CCDC85A: variants seen among roughly 807,000 people sequenced by gnomAD.
CCDC85A encodes the protein coiled-coil domain-containing protein 85A.
In CCDC85A, 38 loss-of-function variants were observed where a neutral mutation model predicts 50.2. That is an observed-to-expected ratio of 0.76 (90% CI 0.58 to 0.99). CCDC85A has a LOEUF of 0.99. Among genes scored for constraint, CCDC85A ranks in the 50% least tolerant of loss-of-function variants. The pLI is 0.00. For synonymous variants in CCDC85A, 366 were observed against 301.4 expected (o/e 1.21, Z -2.22); for missense variants, 820 against 742.0 (o/e 1.11, Z -1.22).
At chr2:56,262,424 A>G (rs547929876) in intron 2 of CCDC85A, among the ~76,000 whole-genome samples, 1 of 152,276 alleles carries the variant, frequency 6.6e-6, no homozygotes, top group South Asian at 2.1e-4. Context: ...TCTAATACAA[A>G]TGGACTTCTG....
rs75068546 is a variant in CCDC85A at position 56,364,619 on chromosome 2, T to C, written c.1318-7725T>C. ...TTCTTTGATCTTGATTTTAAAAATC[T>C]GATGAAAGAGTTAGATCTATTACTT... On this transcript the variant is annotated intron_variant, in intron 3 of 5. Coordinates refer to ENST00000407595, the MANE Select transcript of CCDC85A (RefSeq NM_001080433.2). Among the ~76,000 whole-genome samples the C allele has an allele frequency of 1.4e-4, 21 of 152,334 alleles. No homozygotes were observed. In the East Asian group the frequency reaches 4.1e-3, roughly 29 times the overall value.
chr2:56,240,222 G>A (rs377524364), intron 2 of CCDC85A, among the ~76,000 whole-genome samples: 4 of 152,014 alleles, frequency 2.6e-5, no homozygotes, highest in African/African-American at 7.2e-5. Flanking sequence ...TGAAGTCTTC[G>A]TTTGCATAGG....
intron 2 of CCDC85A, among the ~76,000 whole-genome samples, chr2:56,237,445 T>C (rs1288016738): frequency 1.3e-5 from 2 of 152,164 alleles, no homozygotes; most frequent in South Asian, 4.1e-4. Context: ...TATACATGAA[T>C]ACAGAAGAAA....
chr2:56,226,707 C>G (rs909619213), intron 2 of CCDC85A, among the ~76,000 whole-genome samples: 1 of 152,022 alleles, frequency 6.6e-6, no homozygotes, highest in African/African-American at 2.4e-5. Flanking sequence ...GTAGTAATGG[C>G]AACCATTCCC....
intron 2 of CCDC85A, among the ~76,000 whole-genome samples, chr2:56,277,723 G>T (rs1227033449): frequency 6.6e-6 from 1 of 152,208 alleles, no homozygotes; most frequent in African/African-American, 2.4e-5. Flanking sequence ...ATGCTAACAT[G>T]AGTAAGACGA....
intron 2 of CCDC85A, among the ~76,000 whole-genome samples, chr2:56,275,534 C>T (rs1399827345): frequency 1.3e-5 from 2 of 152,108 alleles, no homozygotes; most frequent in African/African-American, 4.8e-5. Context: ...AATAAATTTT[C>T]ACTTTTTCGC....
intron 2 of CCDC85A, 48 bp from the exon 3 acceptor site, chr2:56,342,831 C>A: frequency 7.9e-7 from 1 of 1,264,830 alleles, no homozygotes; most frequent in Non-Finnish European, 1.1e-6. Context: ...GACAGTACAC[C>A]AAACAAGACC....
intron 3 of CCDC85A, among the ~76,000 whole-genome samples, chr2:56,348,837 G>A (rs530649748): frequency 5.9e-5 from 9 of 152,276 alleles, no homozygotes; most frequent in Non-Finnish European, 1.2e-4. Context: ...CGATAGATAT[G>A]TATCGTTTTG....
intron 2 of CCDC85A, among the ~76,000 whole-genome samples, chr2:56,227,297 A>T (rs1314975781): frequency 6.6e-6 from 1 of 152,214 alleles, no homozygotes; most frequent in Non-Finnish European, 1.5e-5. Context: ...ATGTTAATCA[A>T]GGTCTCAGAT....
At chr2:56,206,719 T>C (rs1434396977) in intron 2 of CCDC85A, among the ~76,000 whole-genome samples, 1 of 152,220 alleles carries the variant, frequency 6.6e-6, no homozygotes, top group African/African-American at 2.4e-5. Flanking sequence ...TTCTAATATG[T>C]AAACTTTGGG....
intron 2 of CCDC85A, among the ~76,000 whole-genome samples, chr2:56,312,781 T>C (rs1366329683): frequency 6.6e-6 from 1 of 152,196 alleles, no homozygotes; most frequent in Non-Finnish European, 1.5e-5. Context: ...ATTCGTTTAT[T>C]TGGTAGTTAT....
At chr2:56,302,288 AT>A (rs1367222409) in intron 2 of CCDC85A, among the ~76,000 whole-genome samples, 1 of 152,174 alleles carries the variant, frequency 6.6e-6, no homozygotes, top group Non-Finnish European at 1.5e-5. Flanking sequence ...AATAAAAAAA[AT>A]AAGATCATAA....
intron 2 of CCDC85A, among the ~76,000 whole-genome samples, chr2:56,211,897 C>A (rs1677195664): frequency 6.6e-6 from 1 of 151,996 alleles, no homozygotes; most frequent in African/African-American, 2.4e-5. Context: ...TGTTTTAGAG[C>A]AACCTTCCTA....
rs541235089 is a variant in CCDC85A at position 56,264,859 on chromosome 2, C to T, written c.1240+71419C>T. 3.3e-5 allele frequency among the ~76,000 whole-genome samples: 5 copies of T among 152,302 alleles called. No homozygotes were observed. The South Asian group carries it at 8.3e-4, about 25-fold the overall frequency. ...TTTGCATTTCTCTTCTTTAGTCACACGAAGTAGGCCCTTGCATGTGCTTTT... is the reference window on the plus strand; with the variant it reads ...TTTGCATTTCTCTTCTTTAGTCACATGAAGTAGGCCCTTGCATGTGCTTTT... On this transcript the variant is annotated intron_variant, in intron 2 of 5. Transcript: ENST00000407595.
chr2:56,249,808 C>T (rs1477697959), intron 2 of CCDC85A, among the ~76,000 whole-genome samples: 2 of 152,188 alleles, frequency 1.3e-5, no homozygotes, highest in African/African-American at 2.4e-5. Flanking sequence ...GTGTCTACAC[C>T]TGGGCCCTGG....
At chr2:56,221,810 T>C (rs1668339275) in intron 2 of CCDC85A, among the ~76,000 whole-genome samples, 1 of 152,128 alleles carries the variant, frequency 6.6e-6, no homozygotes, top group Admixed American at 6.6e-5. Context: ...TCTTACTACA[T>C]GTGTTATCTT....
At chr2:56,327,831 CAAAAA>C (rs70955016) in intron 2 of CCDC85A, among the ~76,000 whole-genome samples, 5 of 93,258 alleles carry the variant, frequency 5.4e-5, no homozygotes, top group Non-Finnish European at 1.1e-4. Flanking sequence ...TAGAGTAAGG[CAAAAA>C]AAAAAAAAAA....
In CCDC85A at chr2:56,242,548, T is replaced by C. The variant is rs540729703; in HGVS notation, c.1240+49108T>C. Among the ~76,000 whole-genome samples the C allele has an allele frequency of 2.3e-4, 35 of 152,290 alleles. 1 individual carries two copies. In the South Asian group the frequency reaches 6.8e-3, roughly 30 times the overall value. ...GAGATTTCACTTTTCACTAAGGGAATGGCCTAAGCAATTCATGAGGGATCT... is the reference window on the plus strand; with the variant it reads ...GAGATTTCACTTTTCACTAAGGGAACGGCCTAAGCAATTCATGAGGGATCT... On this transcript the variant is annotated intron_variant, in intron 2 of 5. Transcript: ENST00000407595.
chr2:56,278,230 T>C (rs1278845553), intron 2 of CCDC85A, among the ~76,000 whole-genome samples: 1 of 152,184 alleles, frequency 6.6e-6, no homozygotes, highest in African/African-American at 2.4e-5. Flanking sequence ...CCCTTTTTAA[T>C]GAATAAAATC....
Sources: gnomAD v4.1 joint callset for allele counts (sites outside exome capture counted in the v4.1 genomes callset) on GRCh38, gnomAD v4.1.1 for gene constraint, MANE v1.5 for transcripts, NCBI Gene and HGNC (gene_info 2026-07-23, HGNC 2026-07-21) for gene names.